The following ZNF804B variants were observed in gnomAD, a reference collection of about 807,000 sequenced individuals.
The protein encoded by ZNF804B is zinc finger 804B.
Under a neutral mutation model 101.4 loss-of-function variants are expected in ZNF804B, and 80 were observed. The ratio of observed to expected loss-of-function variants is 0.79; its 90% CI spans 0.66 to 0.95. The LOEUF (loss-of-function observed/expected upper bound fraction) is 0.95, where lower values mean the gene tolerates loss of function less well. Ranked by LOEUF, ZNF804B falls within the 40% of genes least tolerant of loss-of-function variation. The pLI is 0.00. For missense variants in ZNF804B, 1,673 were observed against 1,561.9 expected, an observed-to-expected ratio of 1.07 and a Z score of -1.20; for synonymous variants, 622 against 558.8, an observed-to-expected ratio of 1.11 and a Z score of -1.59.
Position 89,335,803 on chromosome 7 carries a change from T to C in ZNF804B, c.2821T>C (p.Ser941Pro), listed in dbSNP as rs1380786226. ...RVQAKKCQEQ[S>P]SNVEISSNSC... ...ACAAGCCAAGAAATGTCAAGAACAA[T>C]CAAGTAATGTTGAGATCTCTTCAAA... The change falls in exon 4 of 4, where the codon TCA (serine) becomes CCA (proline). Residue 941 changes from serine (S) to proline (P), a missense_variant. Ser to Pro is a moderately conservative substitution (Grantham distance 74). Transcript: ENST00000333190. 1 of 1,613,842 alleles carries C rather than the reference T, an allele frequency of 6.2e-7. No homozygotes were observed. The highest frequency in any genetic ancestry group is 2.2e-5 in the East Asian group (1 of 44,864).
At chr7:88,925,450 A>G (rs968150353) in intron 1 of ZNF804B, among the ~76,000 whole-genome samples, 13 of 152,300 alleles carry the variant, frequency 8.5e-5, no homozygotes, top group African/African-American at 2.4e-4. Context: ...TAACCTGATT[A>G]GTGTACTTAT....
At chr7:89,217,644 A>G (rs1788917826) in intron 1 of ZNF804B, among the ~76,000 whole-genome samples, 1 of 152,210 alleles carries the variant, frequency 6.6e-6, no homozygotes, top group South Asian at 2.1e-4. Context: ...ACATAAACCC[A>G]TTGGTAATGT....
chr7:89,239,997 T>C (rs1165092961), intron 2 of ZNF804B, among the ~76,000 whole-genome samples: 1 of 151,888 alleles, frequency 6.6e-6, no homozygotes, highest in Non-Finnish European at 1.5e-5. Context: ...ATAAATTCTC[T>C]ATTCTTGTGA....
chr7:89,049,097 A>C (rs1452904803), intron 1 of ZNF804B, among the ~76,000 whole-genome samples: 2 of 150,438 alleles, frequency 1.3e-5, no homozygotes, highest in African/African-American at 5.0e-5. Context: ...GTCTATCATT[A>C]ACATATCATT....
chr7:88,777,845 CT>C (rs1790167460), intron 1 of ZNF804B, among the ~76,000 whole-genome samples: 1 of 61,290 alleles, frequency 1.6e-5, no homozygotes, highest in Non-Finnish European at 2.5e-5. Context: ...GAGACTCCAT[CT>C]AAAAAAAAAA....
chr7:89,066,260 T>C (rs1312528326), intron 1 of ZNF804B, among the ~76,000 whole-genome samples: 1 of 152,054 alleles, frequency 6.6e-6, no homozygotes, highest in East Asian at 1.9e-4. Flanking sequence ...GGTGTAGTAA[T>C]GGCTTCCCAG....
rs530818735 is a variant in ZNF804B, at chr7:88,985,986, T to G, written c.108+225902T>G. On this transcript the variant is annotated intron_variant, in intron 1 of 3. Transcript: ENST00000333190. ...AATGATTCGTCACATGCCTCAAATA[T>G]TTGCACAAAACTGGAAACATAATTT... Among the ~76,000 whole-genome samples the G allele has an allele frequency of 1.9e-3, 296 of 152,254 alleles. 1 individual carries two copies. The highest frequency in any genetic ancestry group is 3.3e-3 in the Admixed American group (51 of 15,270).
intron 1 of ZNF804B, among the ~76,000 whole-genome samples, chr7:89,206,545 A>G (rs1048098028): frequency 6.6e-6 from 1 of 152,140 alleles, no homozygotes; most frequent in African/African-American, 2.4e-5. Context: ...TGAGGTCAGG[A>G]GTTCGAGACC....
In ZNF804B at chr7:89,142,799, G is replaced by C. The variant is rs567808855; in HGVS notation, c.109-75356G>C. Among the ~76,000 whole-genome samples, 29 of 152,070 alleles carry C rather than the reference G, an allele frequency of 1.9e-4. No homozygotes were observed. The South Asian group carries it at 6.0e-3, about 32-fold the overall frequency. ...TCAGTTAGAATACTGATGTTACCAGGAATTCTGGGTTGAGATGTATTATTT... is the reference window on the plus strand; with the variant it reads ...TCAGTTAGAATACTGATGTTACCAGCAATTCTGGGTTGAGATGTATTATTT... On this transcript the variant is annotated intron_variant, in intron 1 of 3. Coordinates refer to ENST00000333190, the MANE Select transcript of ZNF804B (RefSeq NM_181646.5).
intron 1 of ZNF804B, among the ~76,000 whole-genome samples, chr7:88,999,951 C>T (rs1290517646): frequency 6.6e-6 from 1 of 151,856 alleles, no homozygotes; most frequent in Non-Finnish European, 1.5e-5. Flanking sequence ...GTGATTTTTA[C>T]TCAATGCATA....
At position 89,139,672 on chromosome 7, in the gene ZNF804B, A is replaced by T. The variant is rs549478281; in HGVS notation, c.109-78483A>T. On this transcript the variant is annotated intron_variant, in intron 1 of 3. Coordinates refer to ENST00000333190, the MANE Select transcript of ZNF804B (RefSeq NM_181646.5). ...TAAAAAAACACTCCTCATCCATTCAAGTTTTGTCATGTGATTGCAGCAATT... is the reference window on the plus strand; with the variant it reads ...TAAAAAAACACTCCTCATCCATTCATGTTTTGTCATGTGATTGCAGCAATT... Among the ~76,000 whole-genome samples the T allele has an allele frequency of 5.9e-5, 9 of 152,156 alleles. No individual in the cohort carries two copies. In the South Asian group the frequency reaches 1.9e-3, roughly 32 times the overall value.
At chr7:88,817,334 A>G (rs1041175142) in intron 1 of ZNF804B, among the ~76,000 whole-genome samples, 1 of 152,156 alleles carries the variant, frequency 6.6e-6, no homozygotes, top group Admixed American at 6.5e-5. Flanking sequence ...TACATATGTA[A>G]CAAACCTGCA....
intron 1 of ZNF804B, among the ~76,000 whole-genome samples, chr7:88,872,308 T>C (rs1243860673): frequency 6.6e-6 from 1 of 152,044 alleles, no homozygotes; most frequent in Admixed American, 6.6e-5. Flanking sequence ...TCTGAACACC[T>C]TGGGAGGCCA....
rs188639897 is a variant in ZNF804B at position 89,164,464 on chromosome 7, C to T, written c.109-53691C>T. Reference sequence around the variant, plus strand: ...ATCAAAATGCTAGACAATTCTGTGTCGGTTGCCATAGAATGAATGGTCAGC... The same window carrying T: ...ATCAAAATGCTAGACAATTCTGTGTTGGTTGCCATAGAATGAATGGTCAGC... On this transcript the variant is annotated intron_variant, in intron 1 of 3. Coordinates refer to ENST00000333190, the MANE Select transcript of ZNF804B (RefSeq NM_181646.5). Among the ~76,000 whole-genome samples, 270 of 152,124 alleles carry T rather than the reference C, an allele frequency of 1.8e-3. 1 individual carries two copies. The highest frequency in any genetic ancestry group is 6.0e-3 in the African/African-American group (249 of 41,538).
chr7:88,939,768 A>G (rs886393207), intron 1 of ZNF804B, among the ~76,000 whole-genome samples: 2 of 145,610 alleles, frequency 1.4e-5, no homozygotes, highest in Admixed American at 1.4e-4. Flanking sequence ...GTGATCTAAT[A>G]AAAAAAAAAA....
At chr7:89,204,610 A>G (rs748541776) in intron 1 of ZNF804B, among the ~76,000 whole-genome samples, 10 of 152,140 alleles carry the variant, frequency 6.6e-5, no homozygotes, top group Non-Finnish European at 5.9e-5. Flanking sequence ...GGGAACTGAG[A>G]GTCTCAAAAT....
At chr7:89,327,573 T>C in intron 3 of ZNF804B, 99 bp downstream of exon 3, 1 of 1,458,356 alleles carries the variant, frequency 6.9e-7, no homozygotes, top group Non-Finnish European at 9.2e-7. Context: ...AAATAATAAC[T>C]AACTAATAGA....
intron 1 of ZNF804B, among the ~76,000 whole-genome samples, chr7:89,205,542 T>A (rs1189334885): frequency 6.6e-6 from 1 of 152,186 alleles, no homozygotes; most frequent in Non-Finnish European, 1.5e-5. Flanking sequence ...TTAGGCCCCA[T>A]GCAAGTCCAA....
At chr7:89,198,676 A>T (rs561383345) in intron 1 of ZNF804B, among the ~76,000 whole-genome samples, 2 of 152,118 alleles carry the variant, frequency 1.3e-5, no homozygotes, top group South Asian at 2.1e-4. Context: ...AATTGATAAA[A>T]TTTTAAATAA....
Sources: allele counts gnomAD v4.1 joint callset (sites outside exome capture counted in the v4.1 genomes callset), GRCh38; gene constraint gnomAD v4.1.1; transcripts MANE v1.5; gene names NCBI Gene and HGNC (gene_info 2026-07-23, HGNC 2026-07-21).